The following SLC39A11 variants were observed in gnomAD, a reference collection of about 807,000 sequenced individuals.
SLC39A11 encodes the protein solute carrier family 39 member 11.
SLC39A11 carries 33 observed loss-of-function variants against 36.1 expected under a neutral mutation model. The ratio of observed to expected loss-of-function variants is 0.91; its 90% confidence interval spans 0.69 to 1.22. SLC39A11 has a LOEUF of 1.22. SLC39A11 is among the 50% of genes most tolerant of loss of function. The probability of loss-of-function intolerance (pLI) is 0.00; values close to 1 mark genes in which losing one functional copy is unlikely to be tolerated. For missense variants in SLC39A11, 432 were observed against 430.3 expected (o/e 1.00, Z -0.03); for synonymous variants, 166 against 170.3 (o/e 0.97, Z 0.20).
chr17:73,082,584 C>T (rs1340577928), intron 3 of SLC39A11, among the ~76,000 whole-genome samples: 3 of 151,882 alleles, frequency 2.0e-5, no homozygotes, highest in African/African-American at 4.8e-5. Context: ...ATAATACTGG[C>T]ATTCTGTTCT....
At chr17:72,828,592 A>G (rs2078130552) in intron 6 of SLC39A11, among the ~76,000 whole-genome samples, 2 of 152,222 alleles carry the variant, frequency 1.3e-5, no homozygotes, top group African/African-American at 4.8e-5. Flanking sequence ...TAAGGACCCT[A>G]AAAGACTATT....
intron 4 of SLC39A11, among the ~76,000 whole-genome samples, chr17:72,951,609 G>A (rs2085870797): frequency 6.6e-6 from 1 of 152,140 alleles, no homozygotes; most frequent in East Asian, 1.9e-4. Context: ...AAATAAGAGT[G>A]TCAGGTAGTG....
At chr17:72,826,782 A>G (rs1260439982) in intron 6 of SLC39A11, among the ~76,000 whole-genome samples, 1 of 152,204 alleles carries the variant, frequency 6.6e-6, no homozygotes, top group Non-Finnish European at 1.5e-5. Flanking sequence ...GGAAATGCAA[A>G]TCAAAACCAC....
At chr17:72,762,114 C>T (rs2075603944) in intron 6 of SLC39A11, among the ~76,000 whole-genome samples, 1 of 152,212 alleles carries the variant, frequency 6.6e-6, no homozygotes, top group South Asian at 2.1e-4. Flanking sequence ...GCAACTCCAT[C>T]TTGAATAGGG....
intron 5 of SLC39A11, among the ~76,000 whole-genome samples, chr17:72,878,017 G>T (rs920392035): frequency 7.9e-6 from 1 of 126,974 alleles, no homozygotes; most frequent in African/African-American, 3.0e-5. Flanking sequence ...CCCCTTCCTG[G>T]GTCCATGTGT....
At position 73,045,386 on chromosome 17, in the gene SLC39A11, TAAA is replaced by T. The variant is rs374832995; in HGVS notation, c.148-13675_148-13673del. On this transcript the variant is annotated intron_variant, in intron 3 of 9. Transcript: ENST00000255559. ...ACCTCCAGTGCCATGAAAACAGAGT[TAAA>T]AAAAAAAAAAAAAAAAAAAAAAAGC... Among the ~76,000 whole-genome samples the T allele has an allele frequency of 2.5e-3, 105 of 41,724 alleles. 1 individual carries two copies. The South Asian group carries it at 0.027, about 11-fold the overall frequency. The allele number at this position is 41,724 out of a possible 152,430, so 27.4% of individuals were successfully genotyped here. A position where few individuals can be genotyped will look rare whatever the true frequency, so the allele number is the denominator to read the frequency against.
chr17:72,649,283 A>G lies in SLC39A11; in HGVS notation c.672-15T>C, dbSNP rs778030028. ...TGGCCAAATTCCTGAAAAACCAAGA[A>G]AGCACATGAAGGCTGCTGTCTGGAA... On this transcript the variant is annotated splice_polypyrimidine_tract_variant and intron_variant, in intron 7 of 9. Transcript: ENST00000255559. The G allele has an allele frequency of 3.7e-5, 59 of 1,610,610 alleles. No individual in the cohort carries two copies. Among genetic ancestry groups the G allele is most frequent in the Middle Eastern group, 3.3e-4 (2 of 6,080 alleles).
chr17:73,000,977 AT>A (rs2089788186), intron 4 of SLC39A11, among the ~76,000 whole-genome samples: 1 of 152,142 alleles, frequency 6.6e-6, no homozygotes, highest in African/African-American at 2.4e-5. Flanking sequence ...GCCGTAATTC[AT>A]TCCTATAGTA....
At chr17:72,945,068 G>C (rs1263570979) in intron 5 of SLC39A11, among the ~76,000 whole-genome samples, 3 of 152,020 alleles carry the variant, frequency 2.0e-5, no homozygotes, top group Non-Finnish European at 2.9e-5. Context: ...TGGATGGATG[G>C]ATGGGAGAGA....
chr17:72,981,870 G>T (rs1030520823), intron 4 of SLC39A11, among the ~76,000 whole-genome samples: 1 of 152,084 alleles, frequency 6.6e-6, no homozygotes, highest in African/African-American at 2.4e-5. Flanking sequence ...AGAAAAGTAA[G>T]AGAAAGACAC....
chr17:72,964,410 A>G (rs985341975), intron 4 of SLC39A11, among the ~76,000 whole-genome samples: 1 of 152,232 alleles, frequency 6.6e-6, no homozygotes, highest in African/African-American at 2.4e-5. Flanking sequence ...GATGGCCTCC[A>G]GGGAGATGTA....
At chr17:72,730,195 T>C (rs1460986811) in intron 7 of SLC39A11, among the ~76,000 whole-genome samples, 1 of 152,204 alleles carries the variant, frequency 6.6e-6, no homozygotes, top group Non-Finnish European at 1.5e-5. Flanking sequence ...TCCCCCACCA[T>C]GACTGTGTTT....
intron 4 of SLC39A11, among the ~76,000 whole-genome samples, chr17:73,000,694 T>A (rs2089771965): frequency 6.6e-6 from 1 of 152,222 alleles, no homozygotes; most frequent in Non-Finnish European, 1.5e-5. Context: ...AGGAACACAC[T>A]CATTTTCATA....
chr17:72,813,069 G>A lies in SLC39A11; in HGVS notation c.601+36565C>T, dbSNP rs1362153357. On this transcript the variant is annotated intron_variant, in intron 6 of 9. Coordinates refer to ENST00000255559, the MANE Select transcript of SLC39A11 (RefSeq NM_139177.4). ...ATGGTTGTTCGTGAGTCATTCTGAC[G>A]TCAGCTCTTTGAAGAGACTGCCCAT... is the stretch of plus-strand genomic sequence containing the variant. Among the ~76,000 whole-genome samples, 8 of 152,182 alleles carry A rather than the reference G, an allele frequency of 5.3e-5. No individual in the cohort carries two copies. In the South Asian group the frequency reaches 8.3e-4, roughly 16 times the overall value.
intron 6 of SLC39A11, among the ~76,000 whole-genome samples, chr17:72,791,221 G>A (rs561191048): frequency 8.5e-5 from 13 of 152,168 alleles, no homozygotes; most frequent in East Asian, 1.9e-4. Flanking sequence ...TCGGGAGGCC[G>A]AGGTGGGCAG....
In SLC39A11 at chr17:73,084,795, A is replaced by G. The variant is rs747828511; in HGVS notation, c.147+13T>C. On this transcript the variant is annotated intron_variant, in intron 3 of 9. Transcript: ENST00000255559. ...TGCCTCAATTTCCATTTCTCCTACTACATGCTACTTACCCCTGCAGCAAAG... is the reference window on the plus strand; with the variant it reads ...TGCCTCAATTTCCATTTCTCCTACTGCATGCTACTTACCCCTGCAGCAAAG... 1.9e-6 allele frequency: 3 copies of G among 1,613,862 alleles called. No homozygotes were observed. The highest frequency in any genetic ancestry group is 2.5e-6 in the Non-Finnish European group (3 of 1,179,760).
chr17:72,869,130 G>A (rs960117155), intron 5 of SLC39A11, among the ~76,000 whole-genome samples: 1 of 152,214 alleles, frequency 6.6e-6, no homozygotes, highest in African/African-American at 2.4e-5. Context: ...GCTCAGGCAT[G>A]AGCCTTTGAA....
chr17:72,647,587 G>T lies in SLC39A11; in HGVS notation c.1005C>A (p.Gly335=). The T allele has an allele frequency of 6.2e-7, 1 of 1,613,660 alleles. No individual in the cohort carries two copies. Among genetic ancestry groups the T allele is most frequent in the Non-Finnish European group, 8.5e-7 (1 of 1,179,820 alleles). The change falls in exon 10 of 10, where the codon GGC becomes GGA. Residue 335 remains glycine, a synonymous_variant. Coordinates refer to ENST00000255559, the MANE Select transcript of SLC39A11 (RefSeq NM_139177.4). The part of the protein sequence containing the change: ...VVMMSLDVGL[G] ...CGGGGTCCGAAGCGTCTCAGCCCTAGCCCAGGCCAACGTCCAGTGACATCA... is the reference window on the plus strand; with the variant it reads ...CGGGGTCCGAAGCGTCTCAGCCCTATCCCAGGCCAACGTCCAGTGACATCA...
At chr17:72,783,988 G>A (rs1316051470) in intron 6 of SLC39A11, among the ~76,000 whole-genome samples, 1 of 152,138 alleles carries the variant, frequency 6.6e-6, no homozygotes, top group African/African-American at 2.4e-5. Context: ...AAAGGGAACT[G>A]GAGGATGTGG....
Sources: allele counts gnomAD v4.1 joint callset (sites outside exome capture counted in the v4.1 genomes callset), GRCh38; gene constraint gnomAD v4.1.1; transcripts MANE v1.5; gene names NCBI Gene and HGNC (gene_info 2026-07-23, HGNC 2026-07-21).